XRN2: variants seen among roughly 807,000 people sequenced by gnomAD.
The protein encoded by XRN2 is DHM1-like protein.
Under a neutral mutation model 138.5 loss-of-function variants are expected in XRN2, and 44 were observed. The observed-to-expected ratio is 0.32, with a 90% confidence interval of 0.25 to 0.41. The LOEUF (loss-of-function observed/expected upper bound fraction) is 0.41. Ranked by LOEUF, XRN2 falls within the 10% of genes least tolerant of loss-of-function variation. The pLI is 1.00. For synonymous variants in XRN2, 354 were observed against 369.4 expected (o/e 0.96, Z 0.48); for missense variants, 937 against 1,169.3 (o/e 0.80, Z 2.90).
Position 21,348,380 on chromosome 20 carries a change from G to A in XRN2, c.1813G>A (p.Ala605Thr), listed in dbSNP as rs555790644. ...LEQLMGVFPA[A>T]SGNFLPPSWR... ...ACAACTTATGGGGGTATTTCCAGCT[G>A]CAAGTGGTAATTTTCTACCTCCATC... Residue 605 changes from alanine to threonine, a missense_variant, in exon 19 of 30, where the codon GCA (alanine) becomes ACA (threonine). By Grantham distance (58) the Ala-to-Thr change is moderately conservative. Coordinates refer to ENST00000377191, the MANE Select transcript of XRN2 (RefSeq NM_012255.5). 1 of 1,614,058 alleles carries A rather than the reference G, an allele frequency of 6.2e-7. No individual in the cohort carries two copies. The highest frequency in any genetic ancestry group is 1.1e-5 in the South Asian group (1 of 91,066).
At chr20:21,326,725 C>T in intron 3 of XRN2, 124 bp downstream of exon 3, 1 of 741,180 alleles carries the variant, frequency 1.3e-6, no homozygotes, top group Non-Finnish European at 2.2e-6. Flanking sequence ...AAGAAAGCCT[C>T]ATCCTTCAGT....
intron 8 of XRN2, 67 bp downstream of exon 8, chr20:21,331,885 A>G (rs368989394): frequency 1.7e-4 from 265 of 1,540,128 alleles, no homozygotes; most frequent in Non-Finnish European, 2.2e-4. Context: ...GTTGGTGTGC[A>G]GTAATGGATT....
chr20:21,330,355 T>C (rs2038189943), intron 4 of XRN2, 126 bp from the exon 5 acceptor site: 2 of 790,622 alleles, frequency 2.5e-6, no homozygotes, highest in Non-Finnish European at 1.9e-6. Flanking sequence ...GGGAACATTT[T>C]TCCTCGGATG....
intron 27 of XRN2, among the ~76,000 whole-genome samples, chr20:21,376,114 A>G (rs908324545): frequency 2.0e-5 from 3 of 152,178 alleles, no homozygotes; most frequent in African/African-American, 7.2e-5. Context: ...CTGGGATTAC[A>G]GGCGTGAGCC....
At chr20:21,338,482 A>G (rs1015382690) in intron 13 of XRN2, among the ~76,000 whole-genome samples, 14 of 152,040 alleles carry the variant, frequency 9.2e-5, no homozygotes, top group Admixed American at 7.2e-4. Flanking sequence ...TCGGATTGAT[A>G]TTTTTGGAAT....
chr20:21,351,565 C>G (rs1380526051), intron 20 of XRN2, among the ~76,000 whole-genome samples: 1 of 152,070 alleles, frequency 6.6e-6, no homozygotes, highest in Non-Finnish European at 1.5e-5. Context: ...GTGATGATGT[C>G]CTTTGATGCA....
At chr20:21,335,503 A>G (rs2080270834) in intron 13 of XRN2, among the ~76,000 whole-genome samples, 1 of 152,154 alleles carries the variant, frequency 6.6e-6, no homozygotes, top group African/African-American at 2.4e-5. Flanking sequence ...GTGTCATTTT[A>G]TGTAACATAG....
At chr20:21,356,716 G>T in intron 23 of XRN2, 51 bp downstream of exon 23, 1 of 1,485,846 alleles carries the variant, frequency 6.7e-7, no homozygotes. Flanking sequence ...AGTTTAGTTA[G>T]GATTTTTTTC....
At chr20:21,320,601 A>C (rs1439745891) in intron 1 of XRN2, among the ~76,000 whole-genome samples, 1 of 143,922 alleles carries the variant, frequency 6.9e-6, no homozygotes, top group Admixed American at 7.0e-5. Flanking sequence ...GCCCGGCCTT[A>C]TTTATTTATT....
rs907617031 is a variant in XRN2 at position 21,355,794 on chromosome 20, G to A, written c.2021-286G>A. On this transcript the variant is annotated intron_variant, in intron 21 of 29. Transcript: ENST00000377191. Reference sequence around the variant, plus strand: ...TATATACAATATGTGATCAAAATAGGGTAATTGGGATATCCATCACCTCAC... The same window carrying A: ...TATATACAATATGTGATCAAAATAGAGTAATTGGGATATCCATCACCTCAC... Among the ~76,000 whole-genome samples, 4 of 152,012 alleles carry A rather than the reference G, an allele frequency of 2.6e-5. 1 individual carries two copies. Among genetic ancestry groups the A allele is most frequent in the Middle Eastern group, 3.4e-3 (1 of 294 alleles).
At position 21,334,278 on chromosome 20, in the gene XRN2, T is replaced by C. The variant is rs2038256049; in HGVS notation, c.1233+93T>C. ...TACTTTTAATCTCTTTGAGTGTGTT[T>C]TTATATCATTATGGTGTGTCAACAC... On this transcript the variant is annotated intron_variant, in intron 13 of 29. Transcript: ENST00000377191. The C allele has an allele frequency of 1.1e-5, 11 of 1,016,026 alleles. 1 individual carries two copies. In the South Asian group the frequency reaches 1.7e-4, roughly 15 times the overall value. The allele number at this position is 1,016,026 out of a possible 1,614,324, so 62.9% of individuals were successfully genotyped here.
At chr20:21,304,047 A>G (rs2037780338) in intron 1 of XRN2, among the ~76,000 whole-genome samples, 1 of 152,204 alleles carries the variant, frequency 6.6e-6, no homozygotes, top group Non-Finnish European at 1.5e-5. Flanking sequence ...TGAGCGCTAT[A>G]GAATTCTGAG....
intron 23 of XRN2, among the ~76,000 whole-genome samples, chr20:21,357,143 T>C (rs1263331849): frequency 6.6e-6 from 1 of 152,116 alleles, no homozygotes; most frequent in African/African-American, 2.4e-5. Flanking sequence ...GTAGGGTATC[T>C]TTTAGTATTT....
intron 24 of XRN2, among the ~76,000 whole-genome samples, chr20:21,361,085 A>G (rs574831313): frequency 6.6e-6 from 1 of 152,360 alleles, no homozygotes; most frequent in South Asian, 2.1e-4. Context: ...TACTTAAAAT[A>G]GCATTTCTAA....
intron 13 of XRN2, among the ~76,000 whole-genome samples, chr20:21,335,699 TA>T (rs1478657415): frequency 6.6e-6 from 1 of 152,244 alleles, no homozygotes; most frequent in Non-Finnish European, 1.5e-5. Context: ...GATCTGCTGC[TA>T]CATACTTTGT....
intron 1 of XRN2, among the ~76,000 whole-genome samples, chr20:21,315,484 T>C (rs565754941): frequency 6.6e-5 from 10 of 152,296 alleles, no homozygotes; most frequent in African/African-American, 2.4e-4. Flanking sequence ...ATTTAGGTTC[T>C]TTGTCTCCTC....
intron 15 of XRN2, among the ~76,000 whole-genome samples, 185 bp downstream of exon 15, chr20:21,341,037 G>T (rs2038365513): frequency 6.7e-6 from 1 of 150,072 alleles, no homozygotes; most frequent in Non-Finnish European, 1.5e-5. Context: ...ATATCCAAAT[G>T]ATGTGAAAGA....
chr20:21,357,523 T>C (rs1318864469), intron 23 of XRN2, among the ~76,000 whole-genome samples: 1 of 152,204 alleles, frequency 6.6e-6, no homozygotes, highest in Non-Finnish European at 1.5e-5. Context: ...TGAGTACTAA[T>C]GAGATTGAAT....
Position 21,365,570 on chromosome 20 carries a change from CAG to C in XRN2, c.2325-1_2325del. ...ACTAAGTGTTGTCTTTTTAAATGGT[CAG>C]AAAGCCAGCAGCAGTACTGAAACCT... On this transcript the variant is annotated splice_acceptor_variant, in intron 25 of 29. Transcript: ENST00000377191. LOFTEE classifies it high-confidence loss of function. 1 of 1,613,104 alleles carries C rather than the reference CAG, an allele frequency of 6.2e-7. No individual in the cohort carries two copies. The highest frequency in any genetic ancestry group is 8.5e-7 in the Non-Finnish European group (1 of 1,179,804).
Sources: gnomAD v4.1 joint callset for allele counts (sites outside exome capture counted in the v4.1 genomes callset) on GRCh38, gnomAD v4.1.1 for gene constraint, MANE v1.5 for transcripts, NCBI Gene and HGNC (gene_info 2026-07-23, HGNC 2026-07-21) for gene names.